The following CPVL variants were observed in gnomAD, a reference collection of about 807,000 sequenced individuals.
CPVL encodes the protein probable serine carboxypeptidase CPVL.
Under a neutral mutation model 63.7 loss-of-function variants are expected in CPVL, and 51 were observed. That is an observed-to-expected ratio of 0.80 (90% CI 0.64 to 1.01). The LOEUF is 1.01. Ranked by LOEUF, CPVL falls within the 50% of genes least tolerant of loss-of-function variation. The pLI, the probability that CPVL is intolerant of heterozygous loss-of-function variation, is 0.00. For missense variants in CPVL, 530 were observed against 573.1 expected (o/e 0.92, Z 0.77); for synonymous variants, 195 against 206.0 (o/e 0.95, Z 0.46).
At chr7:29,096,546 T>A (rs545064849) in intron 3 of CPVL, 2 of 341,046 alleles carry the variant, frequency 5.9e-6, no homozygotes, top group Admixed American at 8.1e-5. Flanking sequence ...CATGGTTATA[T>A]ATTTTTAGCT....
chr7:29,167,038 TAAC>T lies in CPVL; in HGVS notation c.-11+14249_-11+14251del, dbSNP rs1475411313. Among the ~76,000 whole-genome samples the T allele has an allele frequency of 1.2e-4, 19 of 152,220 alleles. No individual in the cohort carries two copies. The South Asian group carries it at 2.5e-3, about 20-fold the overall frequency. ...TGTATATGTACAAGTTAAAGAATAA[TAAC>T]AAAGTGAACAATGTTTACAACTCCA... is the stretch of plus-strand genomic sequence containing the variant. On this transcript the variant is annotated intron_variant, in intron 5 of 16. Transcript: ENST00000409850.
At chr7:29,104,118 C>A (rs2128621602) in intron 3 of CPVL, among the ~76,000 whole-genome samples, 1 of 152,314 alleles carries the variant, frequency 6.6e-6, no homozygotes, top group East Asian at 1.9e-4. Flanking sequence ...ACACTCAACA[C>A]ATACACACAA....
intron 12 of CPVL, among the ~76,000 whole-genome samples, chr7:29,019,841 G>T (rs538253433): frequency 1.3e-5 from 2 of 152,210 alleles, no homozygotes; most frequent in African/African-American, 4.8e-5. Context: ...AAGGGGGAAG[G>T]ATCTTTGCCA....
At chr7:29,015,589 G>C (rs888770492) in intron 12 of CPVL, among the ~76,000 whole-genome samples, 2 of 152,208 alleles carry the variant, frequency 1.3e-5, no homozygotes, top group African/African-American at 2.4e-5. Flanking sequence ...AGAAGGAGAT[G>C]CCGTCATGCT....
intron 5 of CPVL, among the ~76,000 whole-genome samples, chr7:29,178,856 G>A (rs1180564612): frequency 6.6e-6 from 1 of 152,138 alleles, no homozygotes; most frequent in Non-Finnish European, 1.5e-5. Flanking sequence ...AAATGGGTTT[G>A]CCACAAATTT....
intron 11 of CPVL, among the ~76,000 whole-genome samples, chr7:29,031,928 A>G (rs923279940): frequency 1.3e-5 from 2 of 152,216 alleles, no homozygotes; most frequent in African/African-American, 4.8e-5. Context: ...ATTCACATAT[A>G]TGGAATACAA....
chr7:29,121,307 A>AT (rs934086755), intron 1 of CPVL, among the ~76,000 whole-genome samples: 46 of 146,968 alleles, frequency 3.1e-4, no homozygotes, highest in African/African-American at 5.2e-4. Flanking sequence ...TCAATTACTG[A>AT]TTTTTTTTTT....
At position 29,132,019 on chromosome 7, in the gene CPVL, AAG is replaced by A. The variant is rs1470643468; in HGVS notation, c.-10-10950_-10-10949del. Reference sequence around the variant, plus strand: ...CAGCATCTGCCTTCATGAACTGAGGAAGAGAGATAGGCGAGAGCTTTTAAGAA... The same window carrying A: ...CAGCATCTGCCTTCATGAACTGAGGAAGAGATAGGCGAGAGCTTTTAAGAA... On this transcript the variant is annotated intron_variant, in intron 1 of 12. Transcript: ENST00000265394. Among the ~76,000 whole-genome samples, 3 of 152,366 alleles carry A rather than the reference AAG, an allele frequency of 2.0e-5. No homozygotes were observed. In the East Asian group the frequency reaches 5.8e-4, roughly 29 times the overall value.
chr7:29,043,252 A>T (rs1438727511), intron 11 of CPVL, among the ~76,000 whole-genome samples: 4 of 119,576 alleles, frequency 3.3e-5, no homozygotes, highest in South Asian at 2.7e-4. Flanking sequence ...TTTTTTTTTT[A>T]AAGTCTGTGC....
chr7:29,028,712 C>A (rs1327533648), intron 12 of CPVL, among the ~76,000 whole-genome samples: 1 of 149,728 alleles, frequency 6.7e-6, no homozygotes, highest in African/African-American at 2.5e-5. Flanking sequence ...AGCCTGTAAT[C>A]CCAGCACCTG....
chr7:29,016,627 G>A (rs951671992), intron 12 of CPVL, among the ~76,000 whole-genome samples: 7 of 152,156 alleles, frequency 4.6e-5, no homozygotes, highest in African/African-American at 1.7e-4. Flanking sequence ...CCACGGGCCT[G>A]AGGGCTCCAT....
chr7:29,068,935 G>A (rs1479856006), intron 9 of CPVL, among the ~76,000 whole-genome samples: 7 of 149,454 alleles, frequency 4.7e-5, no homozygotes, highest in African/African-American at 1.2e-4. Context: ...CGCCCGCCTC[G>A]GCCTCCCAAA....
At chr7:29,029,903 T>A (rs900131467) in intron 12 of CPVL, among the ~76,000 whole-genome samples, 2 of 152,302 alleles carry the variant, frequency 1.3e-5, no homozygotes, top group South Asian at 2.1e-4. Flanking sequence ...AAATATTACA[T>A]GTATTCTATA....
chr7:29,157,449 C>T (rs1794553185), intron 5 of CPVL, among the ~76,000 whole-genome samples: 1 of 37,178 alleles, frequency 2.7e-5, no homozygotes, highest in Non-Finnish European at 4.6e-5. Flanking sequence ...AGTCACTAAG[C>T]TGGAAACTTT....
At chr7:29,146,986 C>T (rs1349196237), upstream of CPVL, 1 of 1,550,590 alleles carries the variant, frequency 6.4e-7, no homozygotes, top group Non-Finnish European at 8.7e-7. Flanking sequence ...GTGCCACTGT[C>T]CTGCCAAGCA....
At chr7:29,033,707 G>A (rs1373230704) in intron 11 of CPVL, among the ~76,000 whole-genome samples, 3 of 152,228 alleles carry the variant, frequency 2.0e-5, no homozygotes, top group Non-Finnish European at 4.4e-5. Flanking sequence ...AAGGAACAAG[G>A]AAAGAGCTGG....
intron 5 of CPVL, among the ~76,000 whole-genome samples, chr7:29,167,996 T>TGACCACAGTTCCCAGATGACC (rs1330234292): frequency 6.6e-6 from 1 of 152,224 alleles, no homozygotes; most frequent in Non-Finnish European, 1.5e-5. Context: ...AACAGATGAC[T>TGACCACAGTTCCCAGATGACC]GACCACAGTT....
At chr7:29,081,493 C>T (rs1489863665) in intron 7 of CPVL, 1 of 152,200 alleles carries the variant, frequency 6.6e-6, no homozygotes, top group African/African-American at 2.4e-5. Context: ...GGCAGGGAGC[C>T]TGGGGTGGGT....
intron 7 of CPVL, among the ~76,000 whole-genome samples, chr7:29,086,174 C>T (rs1378460630): frequency 6.6e-6 from 1 of 152,114 alleles, no homozygotes; most frequent in Non-Finnish European, 1.5e-5. Flanking sequence ...CGCCTGTAAT[C>T]TCAGCTACTC....
Sources: allele counts gnomAD v4.1 joint callset (sites outside exome capture counted in the v4.1 genomes callset), GRCh38; gene constraint gnomAD v4.1.1; transcripts MANE v1.5; gene names NCBI Gene and HGNC (gene_info 2026-07-23, HGNC 2026-07-21).